CHMP6: variants seen among roughly 807,000 people sequenced by gnomAD.
CHMP6 encodes the protein chromatin-modifying protein 6.
CHMP6 carries 10 observed loss-of-function variants against 32.8 expected under a neutral mutation model. The ratio of observed to expected loss-of-function variants is 0.30; its 90% CI spans 0.19 to 0.52. The LOEUF is 0.52. Ranked by LOEUF, CHMP6 falls within the 20% of genes least tolerant of loss-of-function variation. CHMP6 has a pLI of 0.97. For synonymous variants in CHMP6, 123 were observed against 105.8 expected (o/e 1.16, Z -1.00); for missense variants, 269 against 263.8 (o/e 1.02, Z -0.14).
Position 80,991,991 on chromosome 17 carries a change from CG to C in CHMP6, c.63+13del. The C allele has an allele frequency of 7.1e-7, 1 of 1,417,846 alleles. No homozygotes were observed. The highest frequency in any genetic ancestry group is 9.3e-7 in the Non-Finnish European group (1 of 1,073,950). 87.8% of individuals were successfully genotyped at this position (1,417,846 alleles called of 1,614,324 possible). A position where few individuals can be genotyped will look rare whatever the true frequency, so the allele number is the denominator to read the frequency against. ...GGACAAGGCCATCCTGGTGAGGGCCCGGGCCCGGGGTCAGGGCTGGGGCCGG... is the reference window on the plus strand; with the variant it reads ...GGACAAGGCCATCCTGGTGAGGGCCCGGCCCGGGGTCAGGGCTGGGGCCGG... On this transcript the variant is annotated intron_variant, in intron 1 of 7. Coordinates refer to ENST00000325167, the MANE Select transcript of CHMP6 (RefSeq NM_024591.5).
chr17:80,999,005 C>G, intron 7 of CHMP6, 93 bp from the exon 8 acceptor site: 1 of 1,462,102 alleles, frequency 6.8e-7, no homozygotes, highest in Non-Finnish European at 9.5e-7. Context: ...GTCCCCGGAA[C>G]TGGCCCTTGC....
chr17:80,993,290 G>A (rs1310578248), intron 1 of CHMP6, among the ~76,000 whole-genome samples: 1 of 132,984 alleles, frequency 7.5e-6, no homozygotes, highest in African/African-American at 2.6e-5. Context: ...GTTTTTCTAG[G>A]ATAACAGGTG....
chr17:80,997,923 G>T (rs1461231543), intron 6 of CHMP6, among the ~76,000 whole-genome samples: 2 of 152,264 alleles, frequency 1.3e-5, no homozygotes, highest in African/African-American at 4.8e-5. Context: ...GTCCTCCGGG[G>T]CCTCCAGGGA....
chr17:80,996,190 G>A (rs1646649314), intron 4 of CHMP6, among the ~76,000 whole-genome samples: 1 of 152,084 alleles, frequency 6.6e-6, no homozygotes, highest in Non-Finnish European at 1.5e-5. Flanking sequence ...CGTGGTGGCA[G>A]GCACCTGTAA....
In CHMP6 at chr17:80,994,589, G is replaced by A. The variant is rs767798208; in HGVS notation, c.72G>A (p.Lys24=). The change falls in exon 2 of 8, where the codon AAG becomes AAA. Residue 24 remains lysine (K), a synonymous_variant. Coordinates refer to ENST00000325167, the MANE Select transcript of CHMP6 (RefSeq NM_024591.5). ...CCTCTCTCTCTTGGCAGCAACTGAA[G>A]CAGCAGCGGGACAAGCTGAGGCAGT... The part of the protein sequence containing the change: ...TEQDKAILQL[K]QQRDKLRQYQ... 5.1e-6 allele frequency: 8 copies of A among 1,575,358 alleles called. No individual in the cohort carries two copies. The highest frequency in any genetic ancestry group is 6.9e-6 in the Non-Finnish European group (8 of 1,162,514).
At chr17:80,992,241 G>A (rs992452571) in intron 1 of CHMP6, among the ~76,000 whole-genome samples, 4 of 151,726 alleles carry the variant, frequency 2.6e-5, no homozygotes, top group African/African-American at 9.7e-5. Flanking sequence ...GAGCCCCGCC[G>A]GGGTGGGCGC....
chr17:80,995,006 C>T lies in CHMP6; in HGVS notation c.174-13C>T, dbSNP rs768889367. 4 of 1,585,010 alleles carry T rather than the reference C, an allele frequency of 2.5e-6. No homozygotes were observed. In the East Asian group the frequency reaches 6.9e-5, roughly 27 times the overall value. ...AGGGCCACAGCGGGTCACTCTCGGG[C>T]TTCCCTCTGCAGACGGGCCAAGCTG... On this transcript the variant is annotated splice_polypyrimidine_tract_variant and intron_variant, in intron 2 of 7. Transcript: ENST00000325167.
At chr17:80,995,640 A>G in intron 3 of CHMP6, 32 bp from the exon 4 acceptor site, 8 of 1,604,468 alleles carry the variant, frequency 5.0e-6, no homozygotes, top group Non-Finnish European at 6.8e-6. Context: ...CCGGATCCTC[A>G]GCACCTGCGT....
Position 80,998,358 on chromosome 17 carries a change from T to G in CHMP6, c.496-8T>G, listed in dbSNP as rs2069656829. On this transcript the variant is annotated splice_region_variant and splice_polypyrimidine_tract_variant and intron_variant, in intron 6 of 7. Transcript: ENST00000325167. ...CCTGCTCATAGCCTTACCCTTTGCT[T>G]CTTGCAGGAACAAATAGAGCTGCCA... 1 of 1,614,168 alleles carries G rather than the reference T, an allele frequency of 6.2e-7. No individual in the cohort carries two copies. The highest frequency in any genetic ancestry group is 8.5e-7 in the Non-Finnish European group (1 of 1,180,010).
At chr17:80,994,205 C>T (rs928794474) in intron 1 of CHMP6, among the ~76,000 whole-genome samples, 1 of 152,234 alleles carries the variant, frequency 6.6e-6, no homozygotes, top group South Asian at 2.1e-4. Flanking sequence ...TGAGCCACTG[C>T]GCCCAGCCGA....
chr17:80,992,984 A>C (rs927157925), intron 1 of CHMP6, among the ~76,000 whole-genome samples: 1 of 152,220 alleles, frequency 6.6e-6, no homozygotes, highest in African/African-American at 2.4e-5. Flanking sequence ...ATTTGTCCCT[A>C]GAGAAGATGG....
Position 80,997,079 on chromosome 17 carries a change from GGC to G in CHMP6, c.414+8_414+9del. On this transcript the variant is annotated splice_region_variant and intron_variant, in intron 5 of 7. Transcript: ENST00000325167. Reference sequence around the variant, plus strand: ...GGCCGTGGAGTACCAGCGGGTAGGTGGCACCCTGACCGGCCTGCCCCCAACTG... The same window carrying G: ...GGCCGTGGAGTACCAGCGGGTAGGTGACCCTGACCGGCCTGCCCCCAACTG... 6.2e-7 allele frequency: 1 copy of G among 1,613,262 alleles called. No homozygotes were observed. The highest frequency in any genetic ancestry group is 8.5e-7 in the Non-Finnish European group (1 of 1,179,708).
intron 4 of CHMP6, 65 bp downstream of exon 4, chr17:80,995,823 G>A: frequency 2.1e-6 from 3 of 1,444,190 alleles, no homozygotes; most frequent in Non-Finnish European, 2.9e-6. Flanking sequence ...GCTGGGGATA[G>A]GGCGGGGGGC....
chr17:80,995,687 T>A lies in CHMP6; in HGVS notation c.277T>A (p.Phe93Ile). 6.2e-7 allele frequency: 1 copy of A among 1,614,018 alleles called. No homozygotes were observed. The highest frequency in any genetic ancestry group is 8.5e-7 in the Non-Finnish European group (1 of 1,179,926). ...TCCTTTTCAGGTTCAGAGTATTGAGTTCACCCAGATCGAAATGAAAGTGAT... is the reference window on the plus strand; with the variant it reads ...TCCTTTTCAGGTTCAGAGTATTGAGATCACCCAGATCGAAATGAAAGTGAT... ...SLEAMVQSIE[F>I]TQIEMKVMEG... The change falls in exon 4 of 8, where the codon TTC becomes ATC. Residue 93 changes from phenylalanine (F) to isoleucine (I), a missense_variant. Coordinates refer to ENST00000325167, the MANE Select transcript of CHMP6 (RefSeq NM_024591.5).
rs1362554239 is a variant in CHMP6, at chr17:80,997,345, AC to A, written c.495+5del. 1 of 1,084,710 alleles carries A rather than the reference AC, an allele frequency of 9.2e-7. No homozygotes were observed. Among genetic ancestry groups the A allele is most frequent in the African/African-American group, 1.8e-5 (1 of 54,430 alleles). 67.2% of individuals were successfully genotyped at this position (1,084,710 alleles called of 1,614,324 possible). ...GGAGCTGAGCGCAATCACTCAGGTA[AC>A]GGCCCCCCCGGGACTGAGCACAGTC... On this transcript the variant is annotated splice_donor_5th_base_variant and intron_variant, in intron 6 of 7. Coordinates refer to ENST00000325167, the MANE Select transcript of CHMP6 (RefSeq NM_024591.5).
rs950869120 is a variant in CHMP6, at chr17:80,995,002, C to T, written c.174-17C>T. 8.2e-6 allele frequency: 13 copies of T among 1,581,762 alleles called. No individual in the cohort carries two copies. The Admixed American group carries it at 1.1e-4, about 14-fold the overall frequency. ...AGGCAGGGCCACAGCGGGTCACTCT[C>T]GGGCTTCCCTCTGCAGACGGGCCAA... On this transcript the variant is annotated splice_polypyrimidine_tract_variant and intron_variant, in intron 2 of 7. Coordinates refer to ENST00000325167, the MANE Select transcript of CHMP6 (RefSeq NM_024591.5).
Position 80,998,392 on chromosome 17 carries a change from C to G in CHMP6, c.522C>G (p.Pro174=), listed in dbSNP as rs61752553. ...TQEQIELPEV[P]SEPLPEKIPE... is the part of the protein sequence containing the mutation. Reference sequence around the variant, plus strand: ...AACAAATAGAGCTGCCAGAGGTTCCCTCCGAGCCCCTTCCTGAGAAGATCC... The same window carrying G: ...AACAAATAGAGCTGCCAGAGGTTCCGTCCGAGCCCCTTCCTGAGAAGATCC... Residue 174 remains proline, a synonymous_variant, in exon 7 of 8, where the codon CCC becomes CCG. Coordinates refer to ENST00000325167, the MANE Select transcript of CHMP6 (RefSeq NM_024591.5). The G allele has an allele frequency of 6.2e-6, 10 of 1,614,238 alleles. No homozygotes were observed. The South Asian group carries it at 8.8e-5, about 14-fold the overall frequency.
chr17:80,994,434 G>A, intron 1 of CHMP6, 147 bp from the exon 2 acceptor site: 1 of 589,498 alleles, frequency 1.7e-6, no homozygotes, highest in Non-Finnish European at 2.9e-6. Context: ...GACGTGTCCA[G>A]ACAGCACCAC....
At chr17:80,998,126 C>T (rs2069654803) in intron 6 of CHMP6, among the ~76,000 whole-genome samples, 1 of 152,216 alleles carries the variant, frequency 6.6e-6, no homozygotes, top group Non-Finnish European at 1.5e-5. Context: ...AGCCCCTCAG[C>T]GCCCCAGGGT....
Sources: gnomAD v4.1 joint callset for allele counts (sites outside exome capture counted in the v4.1 genomes callset) on GRCh38, gnomAD v4.1.1 for gene constraint, MANE v1.5 for transcripts, NCBI Gene and HGNC (gene_info 2026-07-23, HGNC 2026-07-21) for gene names.